ABI1: variants seen among roughly 807,000 people sequenced by gnomAD.
ABI1 encodes Abelson interactor 1.
ABI1 carries 14 observed loss-of-function variants against 54.6 expected under a neutral mutation model. The observed-to-expected ratio is 0.26, with a 90% CI of 0.17 to 0.40. ABI1 has a LOEUF of 0.40. Among genes scored for constraint, ABI1 ranks in the 10% least tolerant of loss-of-function variants. ABI1 has a pLI of 1.00. For synonymous variants in ABI1, 194 were observed against 209.3 expected, an observed-to-expected ratio of 0.93 and a Z score of 0.63; for missense variants, 443 against 598.3, an observed-to-expected ratio of 0.74 and a Z score of 2.71.
At chr10:26,752,775 T>C (rs1284974439) in intron 9 of ABI1, among the ~76,000 whole-genome samples, 2 of 152,136 alleles carry the variant, frequency 1.3e-5, no homozygotes, top group Non-Finnish European at 2.9e-5. Flanking sequence ...TGAACTAGTA[T>C]AATATCAGGT....
At chr10:26,820,559 A>T (rs11015316) in intron 2 of ABI1, among the ~76,000 whole-genome samples, 10,309 of 151,860 alleles carry the variant, frequency 0.068, 391 homozygotes, top group East Asian at 0.14. Context: ...AGCATAACAT[A>T]TCTAAATGTA....
chr10:26,842,639 T>C (rs918252978), intron 1 of ABI1, among the ~76,000 whole-genome samples: 28 of 152,244 alleles, frequency 1.8e-4, no homozygotes, highest in African/African-American at 6.7e-4. Flanking sequence ...AGTACAAAAA[T>C]GTGTACAATT....
chr10:26,787,167 C>T (rs1347202808), intron 2 of ABI1, among the ~76,000 whole-genome samples: 2 of 152,136 alleles, frequency 1.3e-5, no homozygotes, highest in African/African-American at 4.8e-5. Flanking sequence ...TCCACTTGTA[C>T]CCAGTCTGGC....
intron 2 of ABI1, among the ~76,000 whole-genome samples, chr10:26,814,914 A>T (rs1035057683): frequency 2.0e-5 from 3 of 152,240 alleles, no homozygotes; most frequent in African/African-American, 7.2e-5. Flanking sequence ...TAGTTTAAAA[A>T]TTTTTTGAAA....
At chr10:26,815,201 C>A (rs990327765) in intron 2 of ABI1, among the ~76,000 whole-genome samples, 1 of 130,080 alleles carries the variant, frequency 7.7e-6, no homozygotes. Flanking sequence ...AGAATAAATG[C>A]CCCCCCCAAA....
At chr10:26,752,166 C>T (rs989900327) in intron 9 of ABI1, among the ~76,000 whole-genome samples, 6 of 152,108 alleles carry the variant, frequency 3.9e-5, no homozygotes, top group Admixed American at 6.6e-5. Context: ...AGTAACATTA[C>T]GTTAATGGTT....
At chr10:26,774,193 T>C (rs1160247243) in intron 3 of ABI1, among the ~76,000 whole-genome samples, 1 of 152,198 alleles carries the variant, frequency 6.6e-6, no homozygotes, top group Non-Finnish European at 1.5e-5. Flanking sequence ...GGTATGTAAA[T>C]AGTAGTTATA....
At chr10:26,770,171 CACTT>C in intron 5 of ABI1, 70 bp downstream of exon 5, 1 of 1,242,650 alleles carries the variant, frequency 8.0e-7, no homozygotes. Context: ...GGATCCCATA[CACTT>C]ACTTAAGTCA....
At chr10:26,839,073 TG>T (rs1311726931) in intron 1 of ABI1, among the ~76,000 whole-genome samples, 2 of 152,220 alleles carry the variant, frequency 1.3e-5, no homozygotes, top group South Asian at 2.1e-4. Flanking sequence ...AGCATGTTTT[TG>T]ATCTATGAAA....
intron 2 of ABI1, among the ~76,000 whole-genome samples, chr10:26,777,786 G>C (rs1841602392): frequency 6.6e-6 from 1 of 152,022 alleles, no homozygotes; most frequent in Admixed American, 6.6e-5. Context: ...AAAAAAGAGA[G>C]AGATTTGGTA....
At chr10:26,756,878 A>T (rs1214239588) in intron 8 of ABI1, among the ~76,000 whole-genome samples, 1 of 152,164 alleles carries the variant, frequency 6.6e-6, no homozygotes, top group African/African-American at 2.4e-5. Flanking sequence ...AAAATTTGAA[A>T]GAAGTTCAGT....
chr10:26,773,731 C>T (rs1841035843), intron 3 of ABI1, among the ~76,000 whole-genome samples: 1 of 152,072 alleles, frequency 6.6e-6, no homozygotes, highest in Non-Finnish European at 1.5e-5. Context: ...AATCAGAAAC[C>T]TCCAACTAAC....
rs1222219099 is a variant in ABI1, at chr10:26,761,653, TATATATATAC to T, written c.821-2425_821-2416del. ...ATATATATATATATATATATATATA[TATATATATAC>T]ACACACACATACACATATATAACCT... On this transcript the variant is annotated intron_variant, in intron 7 of 10. Coordinates refer to ENST00000376140, the MANE Select transcript of ABI1 (RefSeq NM_001012750.3). Among the ~76,000 whole-genome samples the T allele has an allele frequency of 2.2e-3, 249 of 115,128 alleles. 19 individuals carry two copies. The South Asian group carries it at 0.054, about 25-fold the overall frequency. The allele number at this position is 115,128 out of a possible 152,430, so 75.5% of individuals were successfully genotyped here. A position where few individuals can be genotyped will look rare whatever the true frequency, so the allele number is the denominator to read the frequency against.
At chr10:26,845,822 A>C (rs111886450) in intron 1 of ABI1, among the ~76,000 whole-genome samples, 34 of 151,950 alleles carry the variant, frequency 2.2e-4, no homozygotes, top group African/African-American at 8.2e-4. Context: ...GTCACAGTCT[A>C]CCATGATGAG....
chr10:26,836,837 G>T (rs904782638), intron 1 of ABI1, among the ~76,000 whole-genome samples: 4 of 152,168 alleles, frequency 2.6e-5, no homozygotes, highest in Admixed American at 2.6e-4. Flanking sequence ...TAACTGAGTT[G>T]TATTACTTAT....
In ABI1 at chr10:26,855,902, C is replaced by T. The variant is rs1031789450; in HGVS notation, c.117+4845G>A. Among the ~76,000 whole-genome samples the T allele has an allele frequency of 3.5e-5, 5 of 142,722 alleles. No individual in the cohort carries two copies. The East Asian group carries it at 6.2e-4, about 18-fold the overall frequency. The allele number at this position is 142,722 out of a possible 152,430, so 93.6% of individuals were successfully genotyped here. Reference sequence around the variant, plus strand: ...AGGAAAATCACTTGAACCCAGGAGGCGGAGATTGCAGTGAGCTGAGATCGT... The same window carrying T: ...AGGAAAATCACTTGAACCCAGGAGGTGGAGATTGCAGTGAGCTGAGATCGT... On this transcript the variant is annotated intron_variant, in intron 1 of 10. Transcript: ENST00000376140.
chr10:26,788,230 C>A (rs1412223122), intron 2 of ABI1, among the ~76,000 whole-genome samples: 1 of 152,194 alleles, frequency 6.6e-6, no homozygotes. Flanking sequence ...TGCCTCCCGG[C>A]ATGATTCTTA....
intron 1 of ABI1, among the ~76,000 whole-genome samples, chr10:26,858,493 G>A (rs2051021271): frequency 7.4e-6 from 1 of 134,784 alleles, no homozygotes; most frequent in Non-Finnish European, 1.5e-5. Context: ...CACCTCACTG[G>A]TGTCAGATTT....
At chr10:26,856,520 C>T (rs1005794161) in intron 1 of ABI1, among the ~76,000 whole-genome samples, 1 of 148,996 alleles carries the variant, frequency 6.7e-6, no homozygotes, top group African/African-American at 2.5e-5. Flanking sequence ...TAGCTTTTAC[C>T]TACTCCAAAC....
Sources: allele counts gnomAD v4.1 joint callset (sites outside exome capture counted in the v4.1 genomes callset), GRCh38; gene constraint gnomAD v4.1.1; transcripts MANE v1.5; gene names NCBI Gene and HGNC (gene_info 2026-07-23, HGNC 2026-07-21).